OR9Q1: variants seen among roughly 807,000 people sequenced by gnomAD.
The protein encoded by OR9Q1 is olfactory receptor family 9 subfamily Q member 1.
For missense variants in OR9Q1, 374 were observed against 378.8 expected (o/e 0.99, Z 0.11); for synonymous variants, 153 against 148.6 (o/e 1.03, Z -0.22).
chr11:58,131,298 A>G (rs1854138711), intron 2 of OR9Q1, among the ~76,000 whole-genome samples: 1 of 152,222 alleles, frequency 6.6e-6, no homozygotes, highest in Non-Finnish European at 1.5e-5. Flanking sequence ...TTCCTGGTGG[A>G]CAGGACTGTG....
At chr11:58,061,616 C>T (rs1402483381) in intron 2 of OR9Q1, among the ~76,000 whole-genome samples, 4 of 152,186 alleles carry the variant, frequency 2.6e-5, no homozygotes, top group Non-Finnish European at 5.9e-5. Flanking sequence ...CCCAGCCCAC[C>T]TCTGTCCAGT....
chr11:58,101,393 G>T, intron 2 of OR9Q1, among the ~76,000 whole-genome samples: 1 of 152,102 alleles, frequency 6.6e-6, no homozygotes. Context: ...GATTAGTGAT[G>T]AACATTGTTT....
At chr11:58,107,769 C>G in intron 2 of OR9Q1, among the ~76,000 whole-genome samples, 1 of 152,178 alleles carries the variant, frequency 6.6e-6, no homozygotes, top group South Asian at 2.1e-4. Flanking sequence ...TAATTTCTTT[C>G]ATAAATGTAT....
At chr11:58,150,880 A>G (rs1854344559) in intron 2 of OR9Q1, among the ~76,000 whole-genome samples, 1 of 152,206 alleles carries the variant, frequency 6.6e-6, no homozygotes, top group Admixed American at 6.5e-5. Context: ...AGAAGAAGGC[A>G]TCATCATCGT....
chr11:58,146,899 C>T (rs1854304065), intron 2 of OR9Q1, among the ~76,000 whole-genome samples: 1 of 152,152 alleles, frequency 6.6e-6, no homozygotes, highest in Non-Finnish European at 1.5e-5. Context: ...TAGAAACTGT[C>T]ACAGAGCCTT....
At chr11:58,035,111 G>C (rs1322289455) in intron 1 of OR9Q1, among the ~76,000 whole-genome samples, 1 of 152,086 alleles carries the variant, frequency 6.6e-6, no homozygotes, top group Admixed American at 6.6e-5. Flanking sequence ...CTACAGGAAT[G>C]AATTAAGATT....
intron 2 of OR9Q1, chr11:58,125,155 T>A (rs969047905): frequency 1.3e-5 from 2 of 151,694 alleles, no homozygotes; most frequent in African/African-American, 4.8e-5. Context: ...GCCTCCCACA[T>A]GAAACTATTT....
intron 2 of OR9Q1, among the ~76,000 whole-genome samples, chr11:58,103,321 A>G (rs966293538): frequency 6.6e-6 from 1 of 152,118 alleles, no homozygotes; most frequent in Non-Finnish European, 1.5e-5. Context: ...CTGTGATTCA[A>G]TTATTTCCTA....
chr11:58,023,931 G>C lies in OR9Q1; in HGVS notation c.-266G>C, dbSNP rs1438658793. On this transcript the variant is annotated 5_prime_UTR_variant, in exon 1 of 3. Transcript: ENST00000335397. ...GAAGTGCAGGAGGATGCCACACAGA[G>C]ATGGTAGAGGGAGCGAAAGGAGCAA... 6.6e-6 allele frequency: 1 copy of C among 152,220 alleles called. No individual in the cohort carries two copies. Among genetic ancestry groups the C allele is most frequent in the East Asian group, 1.9e-4 (1 of 5,194 alleles). The allele number at this position is 152,220 out of a possible 1,614,324, so 9.4% of individuals were successfully genotyped here. A position where few individuals can be genotyped will look rare whatever the true frequency, so the allele number is the denominator to read the frequency against.
chr11:58,118,596 G>T, intron 2 of OR9Q1: 1 of 1,613,988 alleles, frequency 6.2e-7, no homozygotes, highest in Non-Finnish European at 8.5e-7. Context: ...GGTTCAGCAT[G>T]GGGATGACCA....
chr11:58,048,041 G>A (rs1853236022), intron 1 of OR9Q1, among the ~76,000 whole-genome samples: 1 of 152,288 alleles, frequency 6.6e-6, no homozygotes, highest in Non-Finnish European at 1.5e-5. Context: ...CCAGGGTAGG[G>A]AAGTGAAAGA....
intron 2 of OR9Q1, among the ~76,000 whole-genome samples, chr11:58,056,292 TAG>T (rs1229336879): frequency 6.6e-6 from 1 of 152,174 alleles, no homozygotes; most frequent in African/African-American, 2.4e-5. Flanking sequence ...CTGTTGGACC[TAG>T]ACCTCTGGTA....
In OR9Q1 at chr11:58,142,174, A is replaced by AT. The variant is rs535538316; in HGVS notation, c.-14-37250dup. ...CTTTTAATTCCTCATACTCTGCAGC[A>AT]TTTTTTTCACAGCACTTACCAACTT... On this transcript the variant is annotated intron_variant, in intron 2 of 2. Coordinates refer to ENST00000335397, the MANE Select transcript of OR9Q1 (RefSeq NM_001005212.4). 1.8e-4 allele frequency among the ~76,000 whole-genome samples: 28 copies of AT among 151,972 alleles called. No homozygotes were observed. In the East Asian group the frequency reaches 4.5e-3, roughly 24 times the overall value.
chr11:58,058,933 G>A (rs1853352626), intron 2 of OR9Q1, among the ~76,000 whole-genome samples: 2 of 152,188 alleles, frequency 1.3e-5, no homozygotes, highest in African/African-American at 2.4e-5. Context: ...AAAACTGGGG[G>A]CGCTGAGATC....
chr11:58,094,790 A>G (rs1435355178), intron 2 of OR9Q1, among the ~76,000 whole-genome samples: 1 of 152,260 alleles, frequency 6.6e-6, no homozygotes, highest in East Asian at 1.9e-4. Context: ...ATGAAAAGTC[A>G]TGGTTCACAG....
chr11:58,150,493 T>G (rs1173512431), intron 2 of OR9Q1, among the ~76,000 whole-genome samples: 1 of 152,300 alleles, frequency 6.6e-6, no homozygotes, highest in East Asian at 1.9e-4. Context: ...TCTTTGTATG[T>G]AGTCATGCAC....
chr11:58,029,618 T>C (rs1272184262), intron 1 of OR9Q1, among the ~76,000 whole-genome samples: 1 of 152,190 alleles, frequency 6.6e-6, no homozygotes, highest in Non-Finnish European at 1.5e-5. Context: ...TCTTGTATTA[T>C]CTGTTTTTTA....
At chr11:58,033,144 T>G (rs1007125852) in intron 1 of OR9Q1, among the ~76,000 whole-genome samples, 4 of 152,238 alleles carry the variant, frequency 2.6e-5, no homozygotes, top group Non-Finnish European at 4.4e-5. Flanking sequence ...GGAATGCTTA[T>G]GCACTGTTGG....
At position 58,054,599 on chromosome 11, in the gene OR9Q1, A is replaced by G. The variant is rs555817291; in HGVS notation, c.-92-1271A>G. ...TACTTGTGCTTAGTATGTAAAGTGC[A>G]TGAAAATACAAGTGCTTAGTAAATA... is the stretch of plus-strand genomic sequence containing the variant. On this transcript the variant is annotated intron_variant, in intron 1 of 2. Coordinates refer to ENST00000335397, the MANE Select transcript of OR9Q1 (RefSeq NM_001005212.4). Among the ~76,000 whole-genome samples, 11 of 152,354 alleles carry G rather than the reference A, an allele frequency of 7.2e-5. No homozygotes were observed. The South Asian group carries it at 1.4e-3, about 20-fold the overall frequency.
Sources: gnomAD v4.1 joint callset for allele counts (sites outside exome capture counted in the v4.1 genomes callset) on GRCh38, gnomAD v4.1.1 for gene constraint, MANE v1.5 for transcripts, NCBI Gene and HGNC (gene_info 2026-07-23, HGNC 2026-07-21) for gene names.